ASAH1: variants seen among roughly 807,000 people sequenced by gnomAD.
The protein encoded by ASAH1 is N-acylsphingosine amidohydrolase 1.
ASAH1 carries 70 observed loss-of-function variants against 59.5 expected under a neutral mutation model. The ratio of observed to expected loss-of-function variants is 1.18; its 90% CI spans 0.97 to 1.43. The LOEUF (loss-of-function observed/expected upper bound fraction) is 1.43. Ranked by LOEUF, ASAH1 falls within the 40% of genes most tolerant of loss-of-function variation. The pLI is 0.00. For synonymous variants in ASAH1, 213 were observed against 166.5 expected (o/e 1.28, Z -2.15); for missense variants, 660 against 482.5 (o/e 1.37, Z -3.45).
chr8:18,061,711 A>G lies in ASAH1; in HGVS notation c.678T>C (p.Arg226=). ...PGLFSLTLNE[R]FSINGGYLGI... is the part of the protein sequence containing the mutation. ...CCAGATAACCACCATTTATACTGAAACGTTCATTCAGTGTAAGACTGAACA... is the reference window on the plus strand; with the variant it reads ...CCAGATAACCACCATTTATACTGAAGCGTTCATTCAGTGTAAGACTGAACA... The change falls in exon 9 of 14, where the codon CGT becomes CGC. Residue 226 remains arginine, a synonymous_variant. Coordinates refer to ENST00000637790, the MANE Select transcript of ASAH1 (RefSeq NM_177924.5). 6.3e-7 allele frequency: 1 copy of G among 1,584,368 alleles called. No homozygotes were observed. Among genetic ancestry groups the G allele is most frequent in the Non-Finnish European group, 8.6e-7 (1 of 1,163,364 alleles).
At chr8:18,065,320 C>T (rs1799884897) in intron 5 of ASAH1, 1 of 152,046 alleles carries the variant, frequency 6.6e-6, no homozygotes, top group Non-Finnish European at 1.5e-5. Context: ...AGGAATTAGA[C>T]TTGCTTTCCA....
At chr8:18,072,033 T>A (rs1800196993) in intron 2 of ASAH1, among the ~76,000 whole-genome samples, 1 of 152,242 alleles carries the variant, frequency 6.6e-6, no homozygotes, top group South Asian at 2.1e-4. Flanking sequence ...TTAACTTACG[T>A]GCAGCAATTT....
At position 18,061,365 on chromosome 8, in the gene ASAH1, GAA is replaced by G. The variant is rs754017281; in HGVS notation, c.785+10_785+11del. On this transcript the variant is annotated intron_variant, in intron 10 of 13. Transcript: ENST00000637790. ...AATAAATATTTAATAGTAAAGCAAC[GAA>G]ACACTTTACCTTGTGCTATTTTCCA... 5.0e-6 allele frequency: 8 copies of G among 1,598,940 alleles called. No homozygotes were observed. Among genetic ancestry groups the G allele is most frequent in the Non-Finnish European group, 6.9e-6 (8 of 1,166,604 alleles).
At chr8:18,067,428 C>T (rs1799979892) in intron 4 of ASAH1, 130 bp from the exon 5 acceptor site, 1 of 461,492 alleles carries the variant, frequency 2.2e-6, no homozygotes, top group Non-Finnish European at 3.4e-6. Context: ...TTTCTAGATA[C>T]TGCTATCATA....
At chr8:18,080,567 TTTGTTTTCTGTGACGAAGTTTCGCTCA>T (rs1800610414) in intron 1 of ASAH1, among the ~76,000 whole-genome samples, 2 of 152,330 alleles carry the variant, frequency 1.3e-5, no homozygotes, top group Non-Finnish European at 2.9e-5. Context: ...TTTTTTTGTT[TTTGTTTTCTGTGACGAAGTTTCGCTCA>T]TTGTCCAGGC....
intron 4 of ASAH1, 60 bp from the exon 5 acceptor site, chr8:18,067,358 AT>A: frequency 8.7e-6 from 9 of 1,033,712 alleles, no homozygotes; most frequent in Non-Finnish European, 1.2e-5. Context: ...AATATATAAT[AT>A]AATATAAACA....
chr8:18,064,628 T>C, intron 5 of ASAH1, 97 bp from the exon 6 acceptor site: 7 of 769,274 alleles, frequency 9.1e-6, no homozygotes, highest in Non-Finnish European at 8.8e-6. Flanking sequence ...ATTGTGTGAG[T>C]GTGTGCTTTG....
chr8:18,063,806 G>A (rs909813106), intron 6 of ASAH1: 1 of 157,822 alleles, frequency 6.3e-6, no homozygotes, highest in Non-Finnish European at 1.4e-5. Context: ...CAATGGTCAT[G>A]TTTTGGTTCA....
chr8:18,072,201 T>C (rs964230958), intron 2 of ASAH1, among the ~76,000 whole-genome samples: 10 of 152,226 alleles, frequency 6.6e-5, no homozygotes, highest in Non-Finnish European at 1.5e-5. Flanking sequence ...TAGTGGTTTA[T>C]CAGTATAAAC....
chr8:18,059,356 G>C lies in ASAH1; in HGVS notation c.1026C>G (p.Asn342Lys). The stretch of plus-strand genomic sequence containing the variant: ...GCAAAGGTACCTCTTGGCTGGTGCG[G>C]TTCAGACACATCTTTGCAGGCGTTC... Reference protein sequence around the residue: ...DRRTPAKMCLNRTSQENISFE... With the variant: ...DRRTPAKMCLKRTSQENISFE... Residue 342 changes from asparagine to lysine, a missense_variant, in exon 12 of 14, where the codon AAC becomes AAG. Physicochemically the swap from Asn to Lys is moderately conservative, Grantham distance 94. Transcript: ENST00000637790. The C allele has an allele frequency of 6.2e-7, 1 of 1,614,174 alleles. No homozygotes were observed. Among genetic ancestry groups the C allele is most frequent in the Non-Finnish European group, 8.5e-7 (1 of 1,180,034 alleles).
intron 2 of ASAH1, among the ~76,000 whole-genome samples, chr8:18,072,993 G>C (rs1004331856): frequency 6.6e-6 from 1 of 152,086 alleles, no homozygotes; most frequent in Non-Finnish European, 1.5e-5. Context: ...TCAGAGACGC[G>C]ATGAGAGGGG....
chr8:18,084,563 A>G, upstream of ASAH1: 2 of 1,532,372 alleles, frequency 1.3e-6, no homozygotes, highest in African/African-American at 2.7e-5. Context: ...GCGGCCCGAA[A>G]TGAGTTGAGT....
rs1374549733 is a variant in ASAH1, at chr8:18,077,809, C to CT, written c.79-2223dup. On this transcript the variant is annotated intron_variant, in intron 1 of 13. Transcript: ENST00000637790. ...TTATAGGGGTTGCAACTTAATTTTA[C>CT]TTTGTAAAATTTGTAAATAAGTTCT... Among the ~76,000 whole-genome samples, 4 of 152,210 alleles carry CT rather than the reference C, an allele frequency of 2.6e-5. No individual in the cohort carries two copies. The East Asian group carries it at 7.7e-4, about 29-fold the overall frequency.
intron 10 of ASAH1, chr8:18,060,001 G>C (rs1799625741): frequency 3.0e-6 from 1 of 337,804 alleles, no homozygotes; most frequent in Non-Finnish European, 5.7e-6. Context: ...TCTTTGTTCA[G>C]CTCTCACTTA....
Position 18,059,817 on chromosome 8 carries a change from G to T in ASAH1, c.786-114C>A. On this transcript the variant is annotated intron_variant, in intron 10 of 13. Transcript: ENST00000637790. ...TGGGACACATGTGCTGAACGTGCAG[G>T]TTTGTTACATAGGTACACACGTGCC... 2.7e-6 allele frequency: 3 copies of T among 1,100,304 alleles called. No individual in the cohort carries two copies. In the Admixed American group the frequency reaches 6.9e-5, roughly 25 times the overall value. The allele number at this position is 1,100,304 out of a possible 1,614,324, so 68.2% of individuals were successfully genotyped here. A position where few individuals can be genotyped will look rare whatever the true frequency, so the allele number is the denominator to read the frequency against.
At chr8:18,082,765 C>G (rs1800708636) in intron 1 of ASAH1, among the ~76,000 whole-genome samples, 1 of 152,104 alleles carries the variant, frequency 6.6e-6, no homozygotes, top group African/African-American at 2.4e-5. Context: ...AACACTAAAC[C>G]CAATTTGTTC....
Position 18,069,812 on chromosome 8 carries a change from G to A in ASAH1, c.283C>T (p.Gln95Ter), listed in dbSNP as rs759037498. Residue 95 changes from glutamine (Q) to a stop codon, truncating the protein, a stop_gained, in exon 4 of 14, where the codon CAG (glutamine) becomes TAG (stop). Coordinates refer to ENST00000637790, the MANE Select transcript of ASAH1 (RefSeq NM_177924.5). LOFTEE classifies it high-confidence loss of function. ...CTTACCAATTTTTCATCCACCACCT[G>A]CATAATTTTTCCACTTGGCACGAAT... is the stretch of plus-strand genomic sequence containing the variant. ...NTFVPSGKIM[Q>*]VVDEKLPGLL... 3 of 1,584,214 alleles carry A rather than the reference G, an allele frequency of 1.9e-6. No homozygotes were observed. Among genetic ancestry groups the A allele is most frequent in the African/African-American group, 1.3e-5 (1 of 74,576 alleles).
intron 1 of ASAH1, among the ~76,000 whole-genome samples, chr8:18,079,886 A>G (rs1800580971): frequency 6.6e-6 from 1 of 152,212 alleles, no homozygotes; most frequent in African/African-American, 2.4e-5. Flanking sequence ...AAATGTTTTC[A>G]CTTGTCTTCT....
At position 18,059,464 on chromosome 8, in the gene ASAH1, T is replaced by A. The variant is rs1258417179; in HGVS notation, c.918A>T (p.Glu306Asp). The A allele has an allele frequency of 2.5e-6, 4 of 1,614,204 alleles. No individual in the cohort carries two copies. The highest frequency in any genetic ancestry group is 1.1e-5 in the South Asian group (1 of 91,090). The change falls in exon 12 of 14, where the codon GAA becomes GAT. Residue 306 changes from glutamate (E) to aspartate (D), a missense_variant and splice_region_variant. By Grantham distance (45) the Glu-to-Asp change is conservative (BLOSUM62 2). Transcript: ENST00000637790. Reference protein sequence around the residue: ...RDRKESLDVYELDAKQGRWYV... With the variant: ...RDRKESLDVYDLDAKQGRWYV... ...ACCATCTACCCTGCTTAGCATCGAG[T>A]CTAGATACAAAAGGAGAGATTCCCT...
Sources: allele counts gnomAD v4.1 joint callset (sites outside exome capture counted in the v4.1 genomes callset), GRCh38; gene constraint gnomAD v4.1.1; transcripts MANE v1.5; gene names NCBI Gene and HGNC (gene_info 2026-07-23, HGNC 2026-07-21).